C1orf159: variants seen among roughly 807,000 people sequenced by gnomAD.
The protein encoded by C1orf159 is chromosome 1 open reading frame 159.
C1orf159 carries 19 observed loss-of-function variants against 25.6 expected under a neutral mutation model. That is an observed-to-expected ratio of 0.74 (90% CI 0.52 to 1.09). The LOEUF (loss-of-function observed/expected upper bound fraction) is 1.09, where lower values mean the gene tolerates loss of function less well. Among genes scored for constraint, C1orf159 ranks in the 50% least tolerant of loss-of-function variants. The pLI is 0.00. For missense variants in C1orf159, 274 were observed against 290.6 expected (o/e 0.94, Z 0.42); for synonymous variants, 139 against 124.7 (o/e 1.12, Z -0.77).
intron 1 of C1orf159, among the ~76,000 whole-genome samples, chr1:1,095,746 T>C (rs1157229536): frequency 6.6e-6 from 1 of 152,216 alleles, no homozygotes; most frequent in Non-Finnish European, 1.5e-5. Flanking sequence ...TTGTTCTTGA[T>C]TTTAGGGATA....
intron 1 of C1orf159, among the ~76,000 whole-genome samples, chr1:1,102,797 AAAAT>A (rs1394284233): frequency 6.6e-6 from 1 of 151,658 alleles, no homozygotes; most frequent in Non-Finnish European, 1.5e-5. Flanking sequence ...AACTGTCTCA[AAAAT>A]AAATAAATAA....
Position 1,107,024 on chromosome 1 carries a change from C to T in C1orf159, c.-136+9036G>A, listed in dbSNP as rs574975086. ...CGCGGGGCAGGGCTCGGCAGCCTGC[C>T]ATGCCCGAGGCCCCCCGCACCCCCG... On this transcript the variant is annotated intron_variant, in intron 1 of 9. Transcript: ENST00000421241. Among the ~76,000 whole-genome samples, 33 of 152,330 alleles carry T rather than the reference C, an allele frequency of 2.2e-4. No homozygotes were observed. In the South Asian group the frequency reaches 6.6e-3, roughly 31 times the overall value.
At chr1:1,098,300 T>A (rs6604967) in intron 1 of C1orf159, among the ~76,000 whole-genome samples, 41,122 of 151,834 alleles carry the variant, frequency 0.27, 7,222 homozygotes, top group African/African-American at 0.51. Context: ...TGAACTCCTG[T>A]CCTTCTGATC....
chr1:1,107,386 A>G (rs1047831795), intron 1 of C1orf159, among the ~76,000 whole-genome samples: 7 of 152,220 alleles, frequency 4.6e-5, no homozygotes, highest in Admixed American at 1.3e-4. Flanking sequence ...GTCTAGCTAC[A>G]GGATTGTAAA....
chr1:1,090,347 G>A lies in C1orf159; in HGVS notation c.148+6C>T. 1.9e-6 allele frequency: 3 copies of A among 1,550,506 alleles called. No homozygotes were observed. The South Asian group carries it at 3.6e-5, about 18-fold the overall frequency. On this transcript the variant is annotated splice_donor_region_variant and intron_variant, in intron 4 of 9. Transcript: ENST00000421241. ...TCTGGAATCTGCTTGGGACAAAGCGGCTTACCTGGACCACACAGACTTGCG... is the reference window on the plus strand; with the variant it reads ...TCTGGAATCTGCTTGGGACAAAGCGACTTACCTGGACCACACAGACTTGCG...
At chr1:1,113,882 T>C (rs1646296823) in intron 1 of C1orf159, among the ~76,000 whole-genome samples, 2 of 151,596 alleles carry the variant, frequency 1.3e-5, no homozygotes, top group Middle Eastern at 3.5e-3. Context: ...GCACAGAGTT[T>C]ACTGGAGTTG....
At chr1:1,090,304 C>T in intron 4 of C1orf159, 49 bp downstream of exon 4, 3 of 1,525,276 alleles carry the variant, frequency 2.0e-6, no homozygotes, top group Non-Finnish European at 2.7e-6. Flanking sequence ...ACACACACAC[C>T]AGTGGCTCAG....
chr1:1,085,764 C>T (rs934025544), intron 7 of C1orf159, 114 bp downstream of exon 7: 55 of 1,359,696 alleles, frequency 4.0e-5, no homozygotes, highest in Middle Eastern at 2.4e-4. Flanking sequence ...TGCTCCCTCC[C>T]GGCCTCTGCC....
rs1313238551 is a variant in C1orf159, at chr1:1,110,141, G to T, written c.-136+5919C>A. On this transcript the variant is annotated intron_variant, in intron 1 of 9. Transcript: ENST00000421241. The surrounding 1 kb of genome is among the most constrained non-coding windows in gnomAD (Gnocchi z 4.8). ...GATTATAACTCGGCGTCTTATTGCC[G>T]CAGAGTCTGTCAGTCTCGTGATCTC... 6.6e-6 allele frequency among the ~76,000 whole-genome samples: 1 copy of T among 152,156 alleles called. No homozygotes were observed. Among genetic ancestry groups the T allele is most frequent in the Admixed American group, 6.5e-5 (1 of 15,276 alleles).
rs1332291609 is a variant in C1orf159 at position 1,087,588 on chromosome 1, C to G, written c.158G>C (p.Arg53Thr). Residue 53 changes from arginine (R) to threonine (T), a missense_variant, in exon 5 of 10, where the codon AGG becomes ACG. Arg to Thr is a moderately conservative substitution (Grantham distance 71). Coordinates refer to ENST00000421241, the MANE Select transcript of C1orf159 (RefSeq NM_017891.5). The surrounding 1 kb of genome is among the most constrained non-coding windows in gnomAD (Gnocchi z 8.3). ...GASLCGPGCYRRWNADGSASC... is the reference protein window; with the variant it reads ...GASLCGPGCYTRWNADGSASC... ...GGCGCTCCCGTCCGCGTTCCAGCGC[C>G]TGTAACAGCCTGCGTGGGGCAGAGG... The G allele has an allele frequency of 3.9e-6, 6 of 1,546,144 alleles. No homozygotes were observed. The Admixed American group carries it at 1.2e-4, about 30-fold the overall frequency.
At position 1,087,301 on chromosome 1, in the gene C1orf159, C is replaced by T. The variant is rs889044691; in HGVS notation, c.245-97G>A. The stretch of plus-strand genomic sequence containing the variant: ...GGATCTCAGGACGGAAATATGAAAG[C>T]GAGGGGCTGAGGGGGCGGAGCAGCC... On this transcript the variant is annotated intron_variant, in intron 5 of 9. Coordinates refer to ENST00000421241, the MANE Select transcript of C1orf159 (RefSeq NM_017891.5). This position sits in a 1 kb window ranked among gnomAD's most constrained non-coding sequence, Gnocchi z 8.3. 2.1e-5 allele frequency: 28 copies of T among 1,334,486 alleles called. No individual in the cohort carries two copies. The African/African-American group carries it at 2.5e-4, about 12-fold the overall frequency. The allele number at this position is 1,334,486 out of a possible 1,614,324, so 82.7% of individuals were successfully genotyped here.
intron 1 of C1orf159, among the ~76,000 whole-genome samples, chr1:1,100,690 G>A (rs556813528): frequency 1.8e-4 from 28 of 152,150 alleles, no homozygotes; most frequent in South Asian, 4.2e-4. Context: ...CCTCTTTTGC[G>A]TGATTTGAAG....
intron 1 of C1orf159, among the ~76,000 whole-genome samples, chr1:1,107,685 T>G (rs548478714): frequency 1.3e-5 from 2 of 152,188 alleles, no homozygotes; most frequent in Admixed American, 1.3e-4. Flanking sequence ...AGGATGTGGG[T>G]GGGGTCAGAT....
intron 1 of C1orf159, among the ~76,000 whole-genome samples, chr1:1,104,282 C>A (rs1479407127): frequency 2.0e-5 from 3 of 152,202 alleles, no homozygotes; most frequent in Admixed American, 6.5e-5. Context: ...CCACTGCACC[C>A]GGCCCAGACA....
At chr1:1,084,439 C>T (rs760395326) in intron 8 of C1orf159, 42 bp downstream of exon 8, 59 of 1,578,076 alleles carry the variant, frequency 3.7e-5, no homozygotes, top group Non-Finnish European at 4.3e-5. Flanking sequence ...CACAGGCACA[C>T]GCGGCCAGGG....
In C1orf159 at chr1:1,087,899, G is replaced by A. The variant is rs910680341; in HGVS notation, c.149-302C>T. ...GAGTACTCCACGCTGCACTCTCCAC[G>A]CCGAGCACCCCAGCCCCGAGTACTC... is the stretch of plus-strand genomic sequence containing the variant. On this transcript the variant is annotated intron_variant, in intron 4 of 9. Transcript: ENST00000421241. This position sits in a 1 kb window ranked among gnomAD's most constrained non-coding sequence, Gnocchi z 8.3. Among the ~76,000 whole-genome samples, 4 of 143,438 alleles carry A rather than the reference G, an allele frequency of 2.8e-5. No homozygotes were observed. Among genetic ancestry groups the A allele is most frequent in the South Asian group, 2.3e-4 (1 of 4,330 alleles). The allele number at this position is 143,438 out of a possible 152,430, so 94.1% of individuals were successfully genotyped here.
intron 1 of C1orf159, among the ~76,000 whole-genome samples, chr1:1,103,977 G>C (rs1332456444): frequency 4.7e-5 from 7 of 148,660 alleles, no homozygotes; most frequent in African/African-American, 1.8e-4. Context: ...TGCCCTGCCA[G>C]ATAGTAGAAT....
At chr1:1,091,669 G>C in intron 2 of C1orf159, 104 bp from the exon 3 acceptor site, 1 of 810,004 alleles carries the variant, frequency 1.2e-6, no homozygotes, top group South Asian at 1.5e-5. Flanking sequence ...GGGGGGTGCG[G>C]GCCAAGGCAA....
chr1:1,084,616 G>C, intron 7 of C1orf159, 110 bp from the exon 8 acceptor site: 2 of 1,403,588 alleles, frequency 1.4e-6, no homozygotes, highest in Non-Finnish European at 1.9e-6. Context: ...CCTCAGCCCA[G>C]TGCGGCGTCC....
Sources: gnomAD v4.1 joint callset for allele counts (sites outside exome capture counted in the v4.1 genomes callset) on GRCh38, gnomAD v4.1.1 for gene constraint, Gnocchi (gnomAD v3.1) non-coding constraint, MANE v1.5 for transcripts, NCBI Gene and HGNC (gene_info 2026-07-23, HGNC 2026-07-21) for gene names.